ACSL6: variants seen among roughly 807,000 people sequenced by gnomAD.
The protein encoded by ACSL6 is long-chain-fatty-acid--CoA ligase 6.
In ACSL6, 47 loss-of-function variants were observed where a neutral mutation model predicts 98.2. That is an observed-to-expected ratio of 0.48 (90% CI 0.38 to 0.61). The LOEUF (loss-of-function observed/expected upper bound fraction) is 0.61. Among genes scored for constraint, ACSL6 ranks in the 20% least tolerant of loss-of-function variants. The probability of loss-of-function intolerance (pLI) is 0.00; values close to 1 mark genes in which losing one functional copy is unlikely to be tolerated. For missense variants in ACSL6, 761 were observed against 913.4 expected, an observed-to-expected ratio of 0.83 and a Z score of 2.15; for synonymous variants, 362 against 336.9, an observed-to-expected ratio of 1.07 and a Z score of -0.82.
chr5:131,980,800 C>CTA (rs1753848343), intron 9 of ACSL6, among the ~76,000 whole-genome samples: 1 of 152,112 alleles, frequency 6.6e-6, no homozygotes, highest in Non-Finnish European at 1.5e-5. Flanking sequence ...AGTCACTCTC[C>CTA]TGTCAAGTGC....
chr5:131,976,107 C>CT, intron 10 of ACSL6: 1 of 985,444 alleles, frequency 1.0e-6, no homozygotes, highest in Non-Finnish European at 1.2e-6. Flanking sequence ...AAAAGTCCTC[C>CT]TTTGTTAGCC....
At chr5:131,994,353 C>T in intron 1 of ACSL6, 102 bp from the exon 2 acceptor site, 1 of 1,053,988 alleles carries the variant, frequency 9.5e-7, no homozygotes, top group Non-Finnish European at 1.4e-6. Context: ...CACTGTAGGG[C>T]AGGCCCTCGG....
rs1008541612 is a variant in ACSL6, at chr5:131,952,551, A to C, written c.*1683T>G. On this transcript the variant is annotated 3_prime_UTR_variant, in exon 21 of 21. Coordinates refer to ENST00000651883, the MANE Select transcript of ACSL6 (RefSeq NM_001009185.3). ...CACATACATTTTAAATTAACACATGAATTGCATATGGATTGTTGATATGCT... is the reference window on the plus strand; with the variant it reads ...CACATACATTTTAAATTAACACATGCATTGCATATGGATTGTTGATATGCT... 10 of 215,072 alleles carry C rather than the reference A, an allele frequency of 4.6e-5. No homozygotes were observed. In the Admixed American group the frequency reaches 4.7e-4, roughly 10 times the overall value. 13.3% of individuals were successfully genotyped at this position (215,072 alleles called of 1,614,324 possible). A position where few individuals can be genotyped will look rare whatever the true frequency, so the allele number is the denominator to read the frequency against.
intron 1 of ACSL6, among the ~76,000 whole-genome samples, chr5:132,001,193 C>A (rs1390582434): frequency 6.6e-6 from 1 of 152,192 alleles, no homozygotes; most frequent in Non-Finnish European, 1.5e-5. Flanking sequence ...ATCCAGTGGT[C>A]TGTGGGAAAT....
intron 1 of ACSL6, 39 bp from the exon 2 acceptor site, chr5:131,994,290 C>G (rs373312390): frequency 6.4e-7 from 1 of 1,553,678 alleles, no homozygotes; most frequent in Non-Finnish European, 8.7e-7. Context: ...AGAGACCTGA[C>G]GGGCAGGTTA....
At chr5:131,966,569 C>A (rs1204200127) in intron 16 of ACSL6, 37 bp from the exon 17 acceptor site, 1 of 1,572,592 alleles carries the variant, frequency 6.4e-7, no homozygotes, top group East Asian at 2.2e-5. Flanking sequence ...TCAGCCACAT[C>A]ATGAGGAATC....
At chr5:132,007,156 C>T (rs1755454715) in intron 1 of ACSL6, 1 of 152,248 alleles carries the variant, frequency 6.6e-6, no homozygotes, top group Admixed American at 6.5e-5. Context: ...GAGGAGGCTT[C>T]TGGAGCACAG....
At chr5:131,991,476 G>A (rs1754510004) in intron 2 of ACSL6, among the ~76,000 whole-genome samples, 1 of 152,202 alleles carries the variant, frequency 6.6e-6, no homozygotes, top group African/African-American at 2.4e-5. Context: ...TGAGTTAGAG[G>A]ACTGTGCTGA....
At chr5:131,955,791 A>G (rs890704988) in intron 20 of ACSL6, among the ~76,000 whole-genome samples, 5 of 152,376 alleles carry the variant, frequency 3.3e-5, no homozygotes, top group African/African-American at 1.2e-4. Flanking sequence ...GAAAACATTA[A>G]CACAATCAAA....
At chr5:131,961,546 A>G (rs995226636) in intron 18 of ACSL6, among the ~76,000 whole-genome samples, 6 of 151,560 alleles carry the variant, frequency 4.0e-5, no homozygotes, top group African/African-American at 1.5e-4. Context: ...TAAAAAAAAA[A>G]TATATCCAGG....
chr5:131,977,142 G>A (rs1753664198), intron 9 of ACSL6, among the ~76,000 whole-genome samples: 1 of 152,220 alleles, frequency 6.6e-6, no homozygotes, highest in Non-Finnish European at 1.5e-5. Context: ...CAACTCTGAT[G>A]GCAAAGGACT....
intron 8 of ACSL6, among the ~76,000 whole-genome samples, chr5:131,986,390 T>A (rs768760920): frequency 1.3e-5 from 2 of 152,168 alleles, no homozygotes; most frequent in Non-Finnish European, 2.9e-5. Flanking sequence ...CCCCAGGAAG[T>A]ATCACATGGG....
chr5:131,968,726 T>G (rs1753151907), intron 15 of ACSL6, among the ~76,000 whole-genome samples: 1 of 152,194 alleles, frequency 6.6e-6, no homozygotes, highest in South Asian at 2.1e-4. Flanking sequence ...GATAATTCAC[T>G]GGCAAGTTGG....
Position 131,988,063 on chromosome 5 carries a change from G to A in ACSL6, c.816C>T (p.Ser272=). The stretch of plus-strand genomic sequence containing the variant: ...AGACCCTCACCTCCACGGCCTGCAT[G>A]GACTTAATGACCACCCCGCACTTCT... The part of the protein sequence containing the change: ...RGQKCGVVIK[S]MQAVEDCGQE... Residue 272 remains serine (S), a synonymous_variant, in exon 7 of 21, where the codon TCC becomes TCT. Coordinates refer to ENST00000651883, the MANE Select transcript of ACSL6 (RefSeq NM_001009185.3). 3 of 1,614,086 alleles carry A rather than the reference G, an allele frequency of 1.9e-6. No homozygotes were observed. The highest frequency in any genetic ancestry group is 2.5e-6 in the Non-Finnish European group (3 of 1,179,974).
At position 131,988,097 on chromosome 5, in the gene ACSL6, T is replaced by C. The variant is rs1754294986; in HGVS notation, c.782A>G (p.Glu261Gly). ...LMDPFEEALKERGQKCGVVIK... is the reference protein window; with the variant it reads ...LMDPFEEALKGRGQKCGVVIK... ...GACCACCCCGCACTTCTGCCCTCTC[T>C]CTTTCAGGGCTTCTTCGAATGGGTC... is the stretch of plus-strand genomic sequence containing the variant. Residue 261 changes from glutamate to glycine, a missense_variant, in exon 7 of 21, where the codon GAG becomes GGG. Coordinates refer to ENST00000651883, the MANE Select transcript of ACSL6 (RefSeq NM_001009185.3). The C allele has an allele frequency of 2.5e-6, 4 of 1,614,172 alleles. No individual in the cohort carries two copies. Among genetic ancestry groups the C allele is most frequent in the Middle Eastern group, 1.7e-4 (1 of 6,058 alleles).
At chr5:132,011,744 G>C (rs1036657246), upstream of ACSL6, 1 of 1,299,370 alleles carries the variant, frequency 7.7e-7, no homozygotes, top group Non-Finnish European at 9.8e-7. This position sits in a 1 kb window ranked among gnomAD's most constrained non-coding sequence, Gnocchi z 5.4. Flanking sequence ...GGGAGGGCGC[G>C]GCGCGCACTC....
chr5:132,011,830 G>A, upstream of ACSL6: 5 of 1,492,096 alleles, frequency 3.4e-6, no homozygotes, highest in Non-Finnish European at 4.5e-6. This position sits in a 1 kb window ranked among gnomAD's most constrained non-coding sequence, Gnocchi z 5.4. Context: ...CCGCGGTGTC[G>A]GAACCGCCAA....
intron 9 of ACSL6, among the ~76,000 whole-genome samples, chr5:131,978,119 T>G (rs1211684556): frequency 1.3e-5 from 2 of 152,210 alleles, no homozygotes; most frequent in African/African-American, 4.8e-5. Context: ...TCCCAGGGAA[T>G]CTGGATATGG....
chr5:131,997,235 G>A (rs1754839051), intron 1 of ACSL6, among the ~76,000 whole-genome samples: 1 of 152,190 alleles, frequency 6.6e-6, no homozygotes, highest in African/African-American at 2.4e-5. Flanking sequence ...TGTACTGTTT[G>A]ACCCTCACAA....
Sources: allele counts gnomAD v4.1 joint callset (sites outside exome capture counted in the v4.1 genomes callset), GRCh38; gene constraint gnomAD v4.1.1; non-coding constraint Gnocchi (gnomAD v3.1); transcripts MANE v1.5; gene names NCBI Gene and HGNC (gene_info 2026-07-23, HGNC 2026-07-21).